The following RETREG3 variants were observed in gnomAD, a reference collection of about 807,000 sequenced individuals.
RETREG3 encodes the protein reticulophagy regulator family member 3.
RETREG3 carries 23 observed loss-of-function variants against 50.2 expected under a neutral mutation model. The observed-to-expected ratio is 0.46, with a 90% CI of 0.33 to 0.65. The LOEUF is 0.65. Ranked by LOEUF, RETREG3 falls within the 30% of genes least tolerant of loss-of-function variation. RETREG3 has a pLI of 0.02. For missense variants in RETREG3, 546 were observed against 598.0 expected (o/e 0.91, Z 0.91); for synonymous variants, 240 against 234.4 (o/e 1.02, Z -0.22).
At chr17:42,604,848 CAA>C (rs1402375794) in intron 1 of RETREG3, among the ~76,000 whole-genome samples, 7 of 151,928 alleles carry the variant, frequency 4.6e-5, no homozygotes, top group African/African-American at 7.3e-5. Flanking sequence ...CAAGTCAAAC[CAA>C]AAAGTTACCC....
rs1384215280 is a variant in RETREG3 at position 42,587,843 on chromosome 17, T to C, written c.368A>G (p.Asp123Gly). 6.2e-7 allele frequency: 1 copy of C among 1,614,212 alleles called. No homozygotes were observed. Among genetic ancestry groups the C allele is most frequent in the South Asian group, 1.1e-5 (1 of 91,084 alleles). The change falls in exon 3 of 9, where the codon GAC becomes GGC. Residue 123 changes from aspartate (D) to glycine (G), a missense_variant. Physicochemically the swap from Asp to Gly is moderately conservative, Grantham distance 94 (BLOSUM62 -1). Transcript: ENST00000309428. ...EIKVPRPDAL[D>G]NESWGFVHPR... ...AATTAGTGTTCCATACCTCTCATTG[T>C]CTAATGCGTCGGGTCTTGGCACTAC...
intron 1 of RETREG3, among the ~76,000 whole-genome samples, chr17:42,607,211 G>A (rs181005584): frequency 0.015 from 2,261 of 152,032 alleles, 54 homozygotes; most frequent in African/African-American, 0.052. Flanking sequence ...CAAGGAAGAA[G>A]CACTTGGCTG....
chr17:42,601,091 C>G (rs1020436030), intron 1 of RETREG3, among the ~76,000 whole-genome samples: 2 of 152,112 alleles, frequency 1.3e-5, no homozygotes, highest in African/African-American at 4.8e-5. Flanking sequence ...GCCTGGCCAA[C>G]ATGGTGAAAC....
Position 42,609,086 on chromosome 17 carries a change from C to A in RETREG3, c.239G>T (p.Trp80Leu). ...GTTTCCGAGGGTCCAGTTCTCTCAC[C>A]AGAAAGCCGCGTTCAGCCCCAGGCA... ...LWCLGLNAAF[W>L]FFALTSLRLV... Residue 80 changes from tryptophan (W) to leucine (L), a missense_variant and splice_region_variant, in exon 1 of 9, where the codon TGG becomes TTG. Coordinates refer to ENST00000309428, the MANE Select transcript of RETREG3 (RefSeq NM_178126.4). The A allele has an allele frequency of 6.2e-7, 1 of 1,604,914 alleles. No homozygotes were observed.
In RETREG3 at chr17:42,590,729, G is replaced by A. The variant is rs556169862; in HGVS notation, c.346+1327C>T. ...CGCCTGTAATCCCAGCACTTTGGGA[G>A]GCCTAGGCGGGTGGATCACCTGAGG... On this transcript the variant is annotated intron_variant, in intron 2 of 8. Transcript: ENST00000309428. Among the ~76,000 whole-genome samples the A allele has an allele frequency of 2.1e-4, 32 of 152,268 alleles. 1 individual carries two copies. The highest frequency in any genetic ancestry group is 7.0e-4 in the African/African-American group (29 of 41,548).
Position 42,586,756 on chromosome 17 carries a change from G to C in RETREG3, c.504+9C>G. ...CCAGAGATGAAAGTGAAAAAGGGAA[G>C]AGTCTTACCTTGCCTGGGTTTTGCT... is the stretch of plus-strand genomic sequence containing the variant. On this transcript the variant is annotated intron_variant, in intron 4 of 8. Transcript: ENST00000309428. The C allele has an allele frequency of 1.2e-6, 2 of 1,612,700 alleles. No individual in the cohort carries two copies. Among genetic ancestry groups the C allele is most frequent in the Non-Finnish European group, 1.7e-6 (2 of 1,179,056 alleles).
intron 2 of RETREG3, among the ~76,000 whole-genome samples, chr17:42,591,540 A>C (rs889013207): frequency 1.3e-5 from 2 of 151,956 alleles, no homozygotes; most frequent in African/African-American, 4.8e-5. Context: ...GGGTTTCATC[A>C]TGTTGGCCAG....
chr17:42,597,597 A>T (rs1398269523), intron 1 of RETREG3, among the ~76,000 whole-genome samples: 22 of 63,776 alleles, frequency 3.4e-4, no homozygotes, highest in African/African-American at 6.0e-4. Context: ...ATATATATAT[A>T]TATATATATA....
At chr17:42,584,630 G>C (rs1394743132) in intron 6 of RETREG3, among the ~76,000 whole-genome samples, 3 of 151,908 alleles carry the variant, frequency 2.0e-5, no homozygotes, top group Non-Finnish European at 4.4e-5. Context: ...GGCAACATGA[G>C]ACCCCATCTC....
chr17:42,594,963 C>CGT (rs1555629522), intron 1 of RETREG3, among the ~76,000 whole-genome samples: 1 of 125,284 alleles, frequency 8.0e-6, no homozygotes, highest in African/African-American at 3.0e-5. Context: ...TTTTTTTTTA[C>CGT]TTTTTTTTTT....
rs550727171 is a variant in RETREG3 at position 42,588,596 on chromosome 17, C to T, written c.347-732G>A. 2.9e-4 allele frequency among the ~76,000 whole-genome samples: 44 copies of T among 152,150 alleles called. No homozygotes were observed. The Middle Eastern group carries it at 0.01, about 35-fold the overall frequency. ...ATGTTGGCCAGGCTGCTCTCGAACT[C>T]CTCCACCTCCCAAAGTGCTGGCATC... On this transcript the variant is annotated intron_variant, in intron 2 of 8. Transcript: ENST00000309428.
In RETREG3 at chr17:42,598,379, C is replaced by T. The variant is rs149841219; in HGVS notation, c.240-6217G>A. ...AGGATTAATCTTGTTATGGAAGATG[C>T]TCACAATTTTAGCCTTCAAGACCCA... On this transcript the variant is annotated intron_variant, in intron 1 of 8. Coordinates refer to ENST00000309428, the MANE Select transcript of RETREG3 (RefSeq NM_178126.4). Among the ~76,000 whole-genome samples the T allele has an allele frequency of 8.0e-4, 121 of 152,174 alleles. 1 individual carries two copies. Among genetic ancestry groups the T allele is most frequent in the African/African-American group, 2.9e-3 (119 of 41,512 alleles).
chr17:42,608,878 T>G, intron 1 of RETREG3: 1 of 573,324 alleles, frequency 1.7e-6, no homozygotes, highest in Admixed American at 3.3e-5. Flanking sequence ...CGGGCACAGG[T>G]AAGGCAGAGA....
intron 1 of RETREG3, among the ~76,000 whole-genome samples, chr17:42,593,016 T>A (rs532819328): frequency 1.5e-4 from 23 of 152,030 alleles, no homozygotes; most frequent in South Asian, 2.1e-4. Context: ...AAGCAAGTTC[T>A]CCAGAATTAA....
At chr17:42,596,905 C>G (rs560428328) in intron 1 of RETREG3, among the ~76,000 whole-genome samples, 1 of 146,420 alleles carries the variant, frequency 6.8e-6, no homozygotes, top group Non-Finnish European at 1.5e-5. Context: ...AAGAGTCTGG[C>G]TTTGTCACCC....
Position 42,586,109 on chromosome 17 carries a change from G to A in RETREG3, c.533C>T (p.Thr178Ile). 1 of 1,614,070 alleles carries A rather than the reference G, an allele frequency of 6.2e-7. No homozygotes were observed. Among genetic ancestry groups the A allele is most frequent in the Non-Finnish European group, 8.5e-7 (1 of 1,180,012 alleles). ...GTAGCGGCCCAAGACAGCCAAAAAGGTCAGTATCCCACAGCTCAGCAAGCA... is the reference window on the plus strand; with the variant it reads ...GTAGCGGCCCAAGACAGCCAAAAAGATCAGTATCCCACAGCTCAGCAAGCA... ...KFCLLSCGIL[T>I]FLAVLGRYVP... is the part of the protein sequence containing the mutation. Residue 178 changes from threonine to isoleucine, a missense_variant, in exon 5 of 9, where the codon ACC becomes ATC. Thr to Ile is a moderately conservative substitution (Grantham distance 89). Transcript: ENST00000309428.
intron 1 of RETREG3, among the ~76,000 whole-genome samples, chr17:42,607,875 C>G (rs912145713): frequency 9.2e-5 from 14 of 151,922 alleles, no homozygotes; most frequent in African/African-American, 3.1e-4. Flanking sequence ...AGTTTACCAT[C>G]GAGTTTGCTA....
In RETREG3 at chr17:42,579,964, C is replaced by T. The variant is rs1227281111; in HGVS notation, c.*1849G>A. On this transcript the variant is annotated 3_prime_UTR_variant, in exon 9 of 9. Coordinates refer to ENST00000309428, the MANE Select transcript of RETREG3 (RefSeq NM_178126.4). ...CATGAAAACAGGCTCTGTCCAACAT[C>T]CCTCACCCAAGTACAGGGGTGTTGG... The T allele has an allele frequency of 6.5e-6, 1 of 152,958 alleles. No homozygotes were observed. Among genetic ancestry groups the T allele is most frequent in the East Asian group, 1.9e-4 (1 of 5,338 alleles). The allele number at this position is 152,958 out of a possible 1,614,324, so 9.5% of individuals were successfully genotyped here.
At chr17:42,588,531 T>C (rs1008199527) in intron 2 of RETREG3, among the ~76,000 whole-genome samples, 1 of 152,016 alleles carries the variant, frequency 6.6e-6, no homozygotes, top group African/African-American at 2.4e-5. Context: ...CCACCATACC[T>C]GGCTAATTTT....
Sources: allele counts gnomAD v4.1 joint callset (sites outside exome capture counted in the v4.1 genomes callset), GRCh38; gene constraint gnomAD v4.1.1; transcripts MANE v1.5; gene names NCBI Gene and HGNC (gene_info 2026-07-23, HGNC 2026-07-21).